The following NLN variants were observed in gnomAD, a reference collection of about 807,000 sequenced individuals.
NLN encodes the protein neurolysin.
Under a neutral mutation model 79.9 loss-of-function variants are expected in NLN, and 64 were observed. The observed-to-expected ratio is 0.80, with a 90% confidence interval of 0.65 to 0.99. The LOEUF (loss-of-function observed/expected upper bound fraction) is 0.99, where lower values mean the gene tolerates loss of function less well. Among genes scored for constraint, NLN ranks in the 50% least tolerant of loss-of-function variants. The probability of loss-of-function intolerance (pLI) is 0.00; values close to 1 mark genes in which losing one functional copy is unlikely to be tolerated. For missense variants in NLN, 835 were observed against 858.7 expected (o/e 0.97, Z 0.34); for synonymous variants, 267 against 296.6 (o/e 0.90, Z 1.02).
intron 1 of NLN, among the ~76,000 whole-genome samples, chr5:65,749,367 C>T (rs866990707): frequency 1.3e-5 from 2 of 152,118 alleles, no homozygotes; most frequent in Non-Finnish European, 2.9e-5. Context: ...TTTGGACAGC[C>T]CTTTGAGGAT....
chr5:65,745,908 G>A (rs188020636), intron 1 of NLN, among the ~76,000 whole-genome samples: 25 of 152,304 alleles, frequency 1.6e-4, no homozygotes, highest in Admixed American at 1.4e-3. Context: ...ACTGGTGATC[G>A]TCCTTGAGAT....
In NLN at chr5:65,758,777, T is replaced by G; in HGVS notation, c.252T>G (p.Thr84=). The G allele has an allele frequency of 6.2e-7, 1 of 1,613,810 alleles. No individual in the cohort carries two copies. Among genetic ancestry groups the G allele is most frequent in the Middle Eastern group, 1.7e-4 (1 of 6,056 alleles). ...AVGMLGIEEV[T]YENCLQALAD... ...GAATGCTCGGTATTGAGGAAGTAAC[T>G]TACGAGAACTGTCTGCAGGCACTGG... is the stretch of plus-strand genomic sequence containing the variant. Residue 84 remains threonine, a synonymous_variant, in exon 2 of 13, where the codon ACT becomes ACG. Transcript: ENST00000380985.
Position 65,822,925 on chromosome 5 carries a change from C to T in NLN, c.*10C>T. 1 of 1,612,240 alleles carries T rather than the reference C, an allele frequency of 6.2e-7. No individual in the cohort carries two copies. Among genetic ancestry groups the T allele is most frequent in the Non-Finnish European group, 8.5e-7 (1 of 1,178,536 alleles). On this transcript the variant is annotated 3_prime_UTR_variant, in exon 13 of 13. Coordinates refer to ENST00000380985, the MANE Select transcript of NLN (RefSeq NM_020726.5). ...CCTGCATGCTCCGTGAACTGGGGAT[C>T]TTTGGTAGCCGTCCATGTCTGGAGG...
At chr5:65,771,703 C>A (rs1381348525) in intron 3 of NLN, among the ~76,000 whole-genome samples, 2 of 151,914 alleles carry the variant, frequency 1.3e-5, no homozygotes, top group African/African-American at 4.8e-5. Flanking sequence ...CATGGAGACC[C>A]AGCTCCAAAT....
At chr5:65,772,938 T>G (rs998629805) in intron 3 of NLN, among the ~76,000 whole-genome samples, 2 of 137,330 alleles carry the variant, frequency 1.5e-5, no homozygotes, top group Non-Finnish European at 3.1e-5. Flanking sequence ...AATTCAAAGT[T>G]CCTAATTCTT....
At chr5:65,723,875 C>T (rs1758390439) in intron 1 of NLN, among the ~76,000 whole-genome samples, 1 of 149,414 alleles carries the variant, frequency 6.7e-6, no homozygotes, top group Non-Finnish European at 1.5e-5. Context: ...GACCCCTTTA[C>T]CTTTCAAAAA....
At chr5:65,784,735 T>G (rs893745759) in intron 6 of NLN, among the ~76,000 whole-genome samples, 1 of 152,184 alleles carries the variant, frequency 6.6e-6, no homozygotes, top group African/African-American at 2.4e-5. Context: ...ATTGAGAATA[T>G]GTTTATATTT....
intron 1 of NLN, among the ~76,000 whole-genome samples, chr5:65,727,970 G>A (rs1471073321): frequency 6.6e-6 from 1 of 152,086 alleles, no homozygotes; most frequent in Non-Finnish European, 1.5e-5. Context: ...GTTTCACTAT[G>A]TGGGCCTGGC....
rs1561180396 is a variant in NLN at position 65,738,998 on chromosome 5, T to TA, written c.41+16584_41+16585insA. Reference sequence around the variant, plus strand: ...ATATATATTATATATTTATATATATTTTATAATATATATTTATATATATAA... The same window carrying TA: ...ATATATATTATATATTTATATATATTATTATAATATATATTTATATATATAA... On this transcript the variant is annotated intron_variant, in intron 1 of 12. Transcript: ENST00000380985. Among the ~76,000 whole-genome samples the TA allele has an allele frequency of 8.6e-3, 940 of 109,538 alleles. 28 individuals carry two copies. Among genetic ancestry groups the TA allele is most frequent in the African/African-American group, 0.033 (875 of 26,916 alleles). 71.9% of individuals were successfully genotyped at this position (109,538 alleles called of 152,430 possible).
chr5:65,792,742 G>C (rs778943163), intron 9 of NLN, 87 bp downstream of exon 9: 12 of 1,136,814 alleles, frequency 1.1e-5, no homozygotes, highest in Non-Finnish European at 1.6e-5. Context: ...CTCCTAACAG[G>C]TTTTTTCAGA....
intron 9 of NLN, among the ~76,000 whole-genome samples, chr5:65,802,966 G>A (rs561352040): frequency 2.0e-4 from 30 of 151,608 alleles, no homozygotes; most frequent in East Asian, 5.8e-4. Context: ...ACAGCTGATC[G>A]TCCCGATGTC....
rs1025870501 is a variant in NLN at position 65,722,262 on chromosome 5, C to G, written c.-112C>G. 58 of 736,262 alleles carry G rather than the reference C, an allele frequency of 7.9e-5. No homozygotes were observed. Among genetic ancestry groups the G allele is most frequent in the Non-Finnish European group, 1.1e-4 (53 of 487,198 alleles). The allele number at this position is 736,262 out of a possible 1,614,324, so 45.6% of individuals were successfully genotyped here. On this transcript the variant is annotated 5_prime_UTR_variant, in exon 1 of 13. Transcript: ENST00000380985. ...GGCGCTGGCCAGGCAGCCACTGTGG[C>G]CTCTGCGGCTAGGCCGGCTCGAGAC...
intron 3 of NLN, 116 bp downstream of exon 3, chr5:65,763,224 T>C: frequency 1.2e-6 from 1 of 848,522 alleles, no homozygotes; most frequent in East Asian, 2.6e-5. Context: ...CGAATGATTA[T>C]AAAACCATAA....
At chr5:65,810,738 G>A (rs1274836937) in intron 11 of NLN, among the ~76,000 whole-genome samples, 2 of 152,126 alleles carry the variant, frequency 1.3e-5, no homozygotes, top group East Asian at 3.8e-4. Context: ...CCAGCACTTT[G>A]GGAGGCTGAG....
chr5:65,822,670 G>GT (rs1760827723), intron 12 of NLN, 111 bp from the exon 13 acceptor site: 1 of 769,410 alleles, frequency 1.3e-6, no homozygotes, highest in Admixed American at 1.9e-5. Flanking sequence ...TCTAGACAGA[G>GT]TAAGGCTAAA....
chr5:65,761,488 C>T (rs1759339042), intron 2 of NLN, among the ~76,000 whole-genome samples: 1 of 151,978 alleles, frequency 6.6e-6, no homozygotes, highest in Non-Finnish European at 1.5e-5. Context: ...GACAGGATTT[C>T]ACCATGTTGG....
At chr5:65,746,316 A>G (rs1758978039) in intron 1 of NLN, among the ~76,000 whole-genome samples, 3 of 152,348 alleles carry the variant, frequency 2.0e-5, no homozygotes, top group South Asian at 4.1e-4. Flanking sequence ...ACAAAAGCCC[A>G]AAGAGGGAAA....
In NLN at chr5:65,763,050, G is replaced by C; in HGVS notation, c.392G>C (p.Arg131Pro). 1.9e-6 allele frequency: 3 copies of C among 1,613,690 alleles called. No homozygotes were observed. Among genetic ancestry groups the C allele is most frequent in the Non-Finnish European group, 2.5e-6 (3 of 1,179,750 alleles). Residue 131 changes from arginine (R) to proline (P), a missense_variant, in exon 3 of 13, where the codon CGT (arginine) becomes CCT (proline). Transcript: ENST00000380985. Reference protein sequence around the residue: ...ASTEADKRLSRFDIEMSMRGD... With the variant: ...ASTEADKRLSPFDIEMSMRGD... ...ACAGAAGCAGACAAAAGACTTTCTC[G>C]TTTTGATATTGAGATGAGCATGAGA... is the stretch of plus-strand genomic sequence containing the variant.
chr5:65,757,690 G>A (rs1279239003), intron 1 of NLN, among the ~76,000 whole-genome samples: 1 of 151,914 alleles, frequency 6.6e-6, no homozygotes, highest in African/African-American at 2.4e-5. Flanking sequence ...AGTAAAGACT[G>A]GTATCATTAT....
Sources: allele counts gnomAD v4.1 joint callset (sites outside exome capture counted in the v4.1 genomes callset), GRCh38; gene constraint gnomAD v4.1.1; transcripts MANE v1.5; gene names NCBI Gene and HGNC (gene_info 2026-07-23, HGNC 2026-07-21).